Variants in MBNL2 observed in about 807,000 individuals in gnomAD.
The protein encoded by MBNL2 is muscleblind like splicing regulator 2.
Under a neutral mutation model 41.9 loss-of-function variants are expected in MBNL2, and 17 were observed. The observed-to-expected ratio is 0.41, with a 90% confidence interval of 0.28 to 0.61. MBNL2 has a LOEUF of 0.61. Among genes scored for constraint, MBNL2 ranks in the 20% least tolerant of loss-of-function variants. The pLI, the probability that MBNL2 is intolerant of heterozygous loss-of-function variation, is 0.35. For synonymous variants in MBNL2, 195 were observed against 182.9 expected, an observed-to-expected ratio of 1.07 and a Z score of -0.53; for missense variants, 336 against 505.6, an observed-to-expected ratio of 0.66 and a Z score of 3.22.
At chr13:97,365,304 CAT>C (rs1356965865) in intron 8 of MBNL2, 133 bp downstream of exon 8, 2 of 688,858 alleles carry the variant, frequency 2.9e-6, no homozygotes, top group Non-Finnish European at 5.2e-6. Flanking sequence ...TTAGAGTTAA[CAT>C]ATAGGTTTTT....
chr13:97,161,521 C>T, the MBNL2 span, among the ~76,000 whole-genome samples: 4 of 152,278 alleles, frequency 2.6e-5, no homozygotes, highest in Admixed American at 1.3e-4. Flanking sequence ...AGTGCAGTAA[C>T]ACCTTGGGCT....
chr13:97,342,765 C>T (rs2061534440), intron 3 of MBNL2, among the ~76,000 whole-genome samples: 1 of 152,104 alleles, frequency 6.6e-6, no homozygotes, highest in Non-Finnish European at 1.5e-5. Context: ...TTGTTGAGAA[C>T]ACTTTCATAG....
At chr13:97,372,506 A>C (rs573757000) in intron 8 of MBNL2, among the ~76,000 whole-genome samples, 1 of 152,368 alleles carries the variant, frequency 6.6e-6, no homozygotes, top group East Asian at 1.9e-4. Flanking sequence ...AGTTGGCCTT[A>C]GGAAGAATTT....
At chr13:97,354,772 C>A (rs181760806) in intron 5 of MBNL2, among the ~76,000 whole-genome samples, 1 of 152,252 alleles carries the variant, frequency 6.6e-6, no homozygotes, top group East Asian at 1.9e-4. Context: ...GAGACATAAT[C>A]GCTCATCTAG....
chr13:97,336,346 T>C (rs1223201454), intron 3 of MBNL2, among the ~76,000 whole-genome samples: 1 of 151,902 alleles, frequency 6.6e-6, no homozygotes, highest in Non-Finnish European at 1.5e-5. Context: ...CCTAGTAGAG[T>C]ATACGTGGCT....
chr13:97,190,521 T>C, the MBNL2 span, among the ~76,000 whole-genome samples: 5 of 152,202 alleles, frequency 3.3e-5, no homozygotes, highest in African/African-American at 1.2e-4. Flanking sequence ...AGATATTTAC[T>C]CTAAAACAAA....
the MBNL2 span, among the ~76,000 whole-genome samples, chr13:97,209,349 T>A: frequency 1.3e-5 from 2 of 152,230 alleles, no homozygotes; most frequent in Admixed American, 1.3e-4. Context: ...GCCTAAATTT[T>A]ACACAGAATC....
chr13:97,152,476 A>C, the MBNL2 span, among the ~76,000 whole-genome samples: 1 of 152,178 alleles, frequency 6.6e-6, no homozygotes, highest in South Asian at 2.1e-4. Flanking sequence ...AAAAAGGCCC[A>C]AGCCCCAAGC....
intron 2 of MBNL2, among the ~76,000 whole-genome samples, chr13:97,322,428 C>T (rs189824897): frequency 2.6e-3 from 394 of 152,280 alleles, no homozygotes; most frequent in African/African-American, 9.2e-3. Context: ...AAGCAATATG[C>T]ATTCAGCACA....
chr13:97,312,618 T>C (rs1594195289), intron 2 of MBNL2, among the ~76,000 whole-genome samples: 1 of 152,342 alleles, frequency 6.6e-6, no homozygotes, highest in East Asian at 1.9e-4. Context: ...TCTCTTCTCC[T>C]CATTGGTCTT....
chr13:97,226,662 G>A (rs907954970), intron 1 of MBNL2, among the ~76,000 whole-genome samples: 7 of 152,128 alleles, frequency 4.6e-5, no homozygotes, highest in African/African-American at 1.7e-4. Flanking sequence ...GTATCTGTAT[G>A]TATGTACTTT....
the MBNL2 span, among the ~76,000 whole-genome samples, chr13:97,171,851 T>G: frequency 1.3e-5 from 2 of 152,306 alleles, no homozygotes; most frequent in East Asian, 1.9e-4. Context: ...CTTCTCATGG[T>G]AGCGAATAAG....
At chr13:97,386,115 T>C (rs527830695) in intron 8 of MBNL2, among the ~76,000 whole-genome samples, 49 of 152,348 alleles carry the variant, frequency 3.2e-4, no homozygotes, top group African/African-American at 1.1e-3. Context: ...CTCTCTTTCT[T>C]TGGGCGAAAG....
intron 7 of MBNL2, among the ~76,000 whole-genome samples, chr13:97,358,812 A>G (rs1042851354): frequency 3.3e-5 from 5 of 152,208 alleles, no homozygotes; most frequent in Non-Finnish European, 5.9e-5. Context: ...CATTAGTTTG[A>G]ACTTTTCGAG....
upstream of MBNL2, among the ~76,000 whole-genome samples, chr13:97,218,442 A>AAAAAAAAAAC (rs1555302269): frequency 9.9e-3 from 1,445 of 145,646 alleles, 60 homozygotes; most frequent in African/African-American, 0.036. Context: ...AAACAAAACA[A>AAAAAAAAAAC]AAAAAAAAAA....
intron 8 of MBNL2, among the ~76,000 whole-genome samples, chr13:97,367,731 G>T (rs2153125961): frequency 6.6e-6 from 1 of 152,262 alleles, no homozygotes; most frequent in South Asian, 2.1e-4. Flanking sequence ...GCAGAGAGTG[G>T]GGGAGGGAGG....
chr13:97,206,873 T>C, the MBNL2 span, among the ~76,000 whole-genome samples: 1 of 152,198 alleles, frequency 6.6e-6, no homozygotes, highest in Admixed American at 6.5e-5. Context: ...GGGTTCAGGT[T>C]AAAGTCATGA....
chr13:97,364,893 C>T (rs919838309), intron 7 of MBNL2, among the ~76,000 whole-genome samples: 4 of 152,122 alleles, frequency 2.6e-5, no homozygotes, highest in African/African-American at 4.8e-5. Flanking sequence ...AGAATCATGT[C>T]GATGCATATG....
intron 4 of MBNL2, among the ~76,000 whole-genome samples, chr13:97,345,240 C>T (rs925154282): frequency 5.9e-5 from 9 of 151,996 alleles, no homozygotes; most frequent in African/African-American, 1.9e-4. Context: ...TAATGATCAG[C>T]GTGATGATCA....
Sources: allele counts gnomAD v4.1 joint callset (sites outside exome capture counted in the v4.1 genomes callset), GRCh38; gene constraint gnomAD v4.1.1; transcripts MANE v1.5; gene names NCBI Gene and HGNC (gene_info 2026-07-23, HGNC 2026-07-21).